ARHGAP8: variants seen among roughly 807,000 people sequenced by gnomAD.
The protein encoded by ARHGAP8 is rho GTPase-activating protein 8.
ARHGAP8 carries 62 observed loss-of-function variants against 46.1 expected under a neutral mutation model. The ratio of observed to expected loss-of-function variants is 1.34; its 90% CI spans 1.10 to 1.66. The LOEUF is 1.66. Among genes scored for constraint, ARHGAP8 ranks in the 40% most tolerant of loss-of-function variants. ARHGAP8 has a pLI of 0.00. For synonymous variants in ARHGAP8, 375 were observed against 243.1 expected (o/e 1.54, Z -5.05); for missense variants, 923 against 568.4 (o/e 1.62, Z -6.34).
chr22:44,859,766 C>A lies in ARHGAP8; in HGVS notation c.913C>A (p.Gln305Lys), dbSNP rs757600105. Residue 305 changes from glutamine to lysine, a missense_variant, in exon 11 of 12, where the codon CAG becomes AAG. Gln to Lys is a moderately conservative substitution (Grantham distance 53). Coordinates refer to ENST00000356099, the MANE Select transcript of ARHGAP8 (RefSeq NM_181335.3). ...CAGCCTGCGTGTCACTGGCTGCCGC[C>A]AGATCTTACGGAGCCTCCCAGAGCA... ...ESSLRVTGCR[Q>K]ILRSLPEHNY... The A allele has an allele frequency of 1.9e-6, 3 of 1,614,058 alleles. No homozygotes were observed. Among genetic ancestry groups the A allele is most frequent in the Non-Finnish European group, 2.5e-6 (3 of 1,180,032 alleles).
chr22:44,856,353 A>G (rs2070224730), intron 10 of ARHGAP8, among the ~76,000 whole-genome samples: 1 of 137,546 alleles, frequency 7.3e-6, no homozygotes, highest in Admixed American at 8.2e-5. Context: ...TACTCACTAC[A>G]ACCTCTGCCT....
chr22:44,841,028 A>G (rs1170279796), intron 7 of ARHGAP8, among the ~76,000 whole-genome samples: 1 of 152,130 alleles, frequency 6.6e-6, no homozygotes, highest in Non-Finnish European at 1.5e-5. Context: ...GGCCTCATAC[A>G]TGCAGGGCTG....
At chr22:44,827,273 G>C (rs1404453889) in intron 7 of ARHGAP8, among the ~76,000 whole-genome samples, 3 of 149,292 alleles carry the variant, frequency 2.0e-5, no homozygotes, top group South Asian at 4.2e-4. Flanking sequence ...AACACAGTCA[G>C]GTCAACCCCT....
chr22:44,849,021 C>G lies in ARHGAP8; in HGVS notation c.838C>G (p.Leu280Val), dbSNP rs377459926. ...TFLRELPQPL[L>V]TFQAYEQILG... ...CCTGCGAGAGCTGCCCCAGCCGCTT[C>G]TGACCTTCCAGGCCTACGAGCAGAT... Residue 280 changes from leucine (L) to valine (V), a missense_variant, in exon 10 of 12, where the codon CTG becomes GTG. Coordinates refer to ENST00000356099, the MANE Select transcript of ARHGAP8 (RefSeq NM_181335.3). The G allele has an allele frequency of 6.2e-7, 1 of 1,614,072 alleles. No homozygotes were observed.
intron 1 of ARHGAP8, among the ~76,000 whole-genome samples, chr22:44,754,250 C>T (rs6007275): frequency 0.22 from 32,759 of 151,856 alleles, 3,976 homozygotes; most frequent in South Asian, 0.45. Context: ...AGGGATACTT[C>T]GCTTGTGAGG....
chr22:44,785,090 C>G (rs1279820293), intron 1 of ARHGAP8, among the ~76,000 whole-genome samples: 1 of 152,192 alleles, frequency 6.6e-6, no homozygotes, highest in Non-Finnish European at 1.5e-5. Flanking sequence ...TGTGAGGCAG[C>G]CCTCAGGCCC....
At chr22:44,855,780 A>C (rs958461465) in intron 10 of ARHGAP8, among the ~76,000 whole-genome samples, 3 of 152,186 alleles carry the variant, frequency 2.0e-5, no homozygotes, top group African/African-American at 7.2e-5. Flanking sequence ...AAGCGCCCTC[A>C]GAGCTGGTGA....
chr22:44,818,844 G>A (rs961832932), intron 5 of ARHGAP8, among the ~76,000 whole-genome samples: 3 of 151,782 alleles, frequency 2.0e-5, no homozygotes, highest in Non-Finnish European at 2.9e-5. Context: ...TTACAGGTGC[G>A]CACCACTGTG....
intron 7 of ARHGAP8, among the ~76,000 whole-genome samples, chr22:44,832,654 G>A (rs1290909081): frequency 1.3e-5 from 2 of 152,142 alleles, no homozygotes; most frequent in African/African-American, 4.8e-5. Context: ...ATTTTTGTGT[G>A]TGGATTTTTT....
Position 44,774,518 on chromosome 22 carries a change from A to ATT in ARHGAP8, c.-71-11919_-71-11918dup, listed in dbSNP as rs132473. On this transcript the variant is annotated intron_variant, in intron 1 of 11. Coordinates refer to ENST00000356099, the MANE Select transcript of ARHGAP8 (RefSeq NM_181335.3). ...TTGTTTATTGGTATTTCTTTGGGAG[A>ATT]TTTTTTTTTTTTTTTTTTTTTGAGA... Among the ~76,000 whole-genome samples, 625 of 119,454 alleles carry ATT rather than the reference A, an allele frequency of 5.2e-3. 6 individuals carry two copies. Among genetic ancestry groups the ATT allele is most frequent in the South Asian group, 0.013 (42 of 3,322 alleles). 78.4% of individuals were successfully genotyped at this position (119,454 alleles called of 152,430 possible).
At chr22:44,768,563 T>C (rs892160908) in intron 1 of ARHGAP8, among the ~76,000 whole-genome samples, 5 of 151,984 alleles carry the variant, frequency 3.3e-5, no homozygotes, top group Non-Finnish European at 7.4e-5. Flanking sequence ...CGCCTCAGCC[T>C]CCCAAAGCAC....
intron 1 of ARHGAP8, among the ~76,000 whole-genome samples, chr22:44,760,049 C>T (rs1440999651): frequency 6.6e-6 from 1 of 152,180 alleles, no homozygotes; most frequent in Non-Finnish European, 1.5e-5. Context: ...AGGTTTCCTG[C>T]GGTTTGTGGG....
chr22:44,853,409 T>G (rs575870921), intron 10 of ARHGAP8, among the ~76,000 whole-genome samples: 1 of 152,298 alleles, frequency 6.6e-6, no homozygotes, highest in South Asian at 2.1e-4. Context: ...TCATGCCAAC[T>G]CAGGGGGTAG....
At chr22:44,821,471 A>T (rs1169467272) in intron 5 of ARHGAP8, among the ~76,000 whole-genome samples, 1 of 152,166 alleles carries the variant, frequency 6.6e-6, no homozygotes, top group Non-Finnish European at 1.5e-5. Context: ...ACAATAAAGA[A>T]ATAATACTGT....
intron 11 of ARHGAP8, among the ~76,000 whole-genome samples, chr22:44,860,712 C>A (rs530219001): frequency 2.0e-5 from 3 of 152,256 alleles, no homozygotes; most frequent in Admixed American, 2.0e-4. Context: ...AGTGTGCTCT[C>A]CCCCTGGGGC....
intron 11 of ARHGAP8, among the ~76,000 whole-genome samples, chr22:44,860,142 T>C (rs1025449228): frequency 1.3e-5 from 2 of 152,134 alleles, no homozygotes. Context: ...CTGCTTGGGC[T>C]GAGTCTCTAG....
At chr22:44,862,235 T>C (rs907418651) in intron 11 of ARHGAP8, 40 bp from the exon 12 acceptor site, 3 of 1,550,972 alleles carry the variant, frequency 1.9e-6, no homozygotes, top group Admixed American at 1.8e-5. Context: ...CCGTGCCCCT[T>C]GGTGTTCACT....
intron 10 of ARHGAP8, among the ~76,000 whole-genome samples, chr22:44,857,152 C>G (rs374453186): frequency 8.4e-6 from 1 of 118,730 alleles, no homozygotes; most frequent in Non-Finnish European, 1.8e-5. Context: ...GTTGGTCAGG[C>G]TGGTCTCAAA....
intron 7 of ARHGAP8, among the ~76,000 whole-genome samples, chr22:44,841,269 G>A (rs1340290196): frequency 1.3e-5 from 2 of 152,132 alleles, no homozygotes; most frequent in African/African-American, 2.4e-5. Flanking sequence ...GTCTCTGTGC[G>A]AGCGTGATTT....
Sources: gnomAD v4.1 joint callset for allele counts (sites outside exome capture counted in the v4.1 genomes callset) on GRCh38, gnomAD v4.1.1 for gene constraint, MANE v1.5 for transcripts, NCBI Gene and HGNC (gene_info 2026-07-23, HGNC 2026-07-21) for gene names.